TRABD2A: variants seen among roughly 807,000 people sequenced by gnomAD.
TRABD2A encodes metalloprotease TIKI1.
Under a neutral mutation model 45.6 loss-of-function variants are expected in TRABD2A, and 43 were observed. The observed-to-expected ratio is 0.94, with a 90% CI of 0.74 to 1.22. The LOEUF is 1.22. Ranked by LOEUF, TRABD2A falls within the 50% of genes most tolerant of loss-of-function variation. The probability of loss-of-function intolerance (pLI) is 0.00; values close to 1 mark genes in which losing one functional copy is unlikely to be tolerated. For synonymous variants in TRABD2A, 269 were observed against 265.0 expected (o/e 1.02, Z -0.15); for missense variants, 642 against 652.4 (o/e 0.98, Z 0.17).
At chr2:84,855,302 A>T (rs2105394390) in intron 2 of TRABD2A, among the ~76,000 whole-genome samples, 1 of 152,320 alleles carries the variant, frequency 6.6e-6, no homozygotes, top group Middle Eastern at 3.4e-3. Context: ...TACAACTAAG[A>T]TAAAACACCC....
At chr2:84,880,861 G>C (rs992146714) in intron 1 of TRABD2A, 71 bp downstream of exon 1, 138 of 1,540,648 alleles carry the variant, frequency 9.0e-5, no homozygotes, top group Non-Finnish European at 1.1e-4. Flanking sequence ...GCTGCTTCGC[G>C]GGGTTCGGAG....
chr2:84,880,818 C>A, intron 1 of TRABD2A, 114 bp downstream of exon 1: 1 of 1,480,916 alleles, frequency 6.8e-7, no homozygotes, highest in East Asian at 2.5e-5. Flanking sequence ...AGGTGAAAGC[C>A]CAGCCGCGGA....
chr2:84,870,881 A>G (rs1682854523), intron 1 of TRABD2A, 96 bp from the exon 2 acceptor site: 11 of 1,210,750 alleles, frequency 9.1e-6, no homozygotes, highest in Non-Finnish European at 1.2e-5. Context: ...TTCAAGAGAA[A>G]AGATATCAAA....
intron 4 of TRABD2A, chr2:84,836,935 G>T (rs1177378249): frequency 6.8e-6 from 1 of 148,086 alleles, no homozygotes; most frequent in African/African-American, 2.5e-5. Flanking sequence ...GTATTGGTGA[G>T]ATATTGTTCT....
At chr2:84,862,463 G>A (rs1399800980) in intron 2 of TRABD2A, among the ~76,000 whole-genome samples, 1 of 152,162 alleles carries the variant, frequency 6.6e-6, no homozygotes, top group African/African-American at 2.4e-5. Context: ...ATATGAGGCA[G>A]AAACTAGGCT....
chr2:84,870,483 C>T lies in TRABD2A; in HGVS notation c.411G>A (p.Trp137Ter), dbSNP rs1398787897. Residue 137 changes from tryptophan (W) to a stop codon, truncating the protein, a stop_gained, in exon 2 of 7, where the codon TGG becomes TGA. Coordinates refer to ENST00000409520, the MANE Select transcript of TRABD2A (RefSeq NM_001277053.2). LOFTEE classifies it high-confidence loss of function. ...LEYVKLMMPL[W>*]MTPDQRGKGL... Reference sequence around the variant, plus strand: ...CCTTGCCGCGCTGGTCTGGGGTCATCCACAAGGGCATCATGAGCTTGACAT... The same window carrying T: ...CCTTGCCGCGCTGGTCTGGGGTCATTCACAAGGGCATCATGAGCTTGACAT... 1 of 1,613,918 alleles carries T rather than the reference C, an allele frequency of 6.2e-7. No homozygotes were observed. The highest frequency in any genetic ancestry group is 8.5e-7 in the Non-Finnish European group (1 of 1,179,906).
At chr2:84,879,430 C>G (rs1683131772) in intron 1 of TRABD2A, among the ~76,000 whole-genome samples, 1 of 152,196 alleles carries the variant, frequency 6.6e-6, no homozygotes, top group East Asian at 1.9e-4. Context: ...GATCCACCGC[C>G]TTGGCCTCCC....
intron 1 of TRABD2A, among the ~76,000 whole-genome samples, chr2:84,872,012 G>A (rs561115850): frequency 3.3e-5 from 5 of 152,150 alleles, no homozygotes; most frequent in African/African-American, 9.7e-5. Flanking sequence ...GTGCATGTTC[G>A]TCTGAAGCCA....
chr2:84,864,607 C>G (rs1393397533), intron 2 of TRABD2A, among the ~76,000 whole-genome samples: 1 of 152,154 alleles, frequency 6.6e-6, no homozygotes. Context: ...CCTCTGCTTC[C>G]AGATGGGCCT....
At position 84,870,522 on chromosome 2, in the gene TRABD2A, C is replaced by T. The variant is rs764454160; in HGVS notation, c.372G>A (p.Lys124=). The change falls in exon 2 of 7, where the codon AAG becomes AAA. Residue 124 remains lysine (K), a synonymous_variant. Transcript: ENST00000409520. ...TGAGCTTGACATACTCCAGGTGGCG[C>T]TTGAGGCGGCAGTAGATGTCCCTGG... ...VLPRDIYCRL[K]RHLEYVKLMM... 3 of 1,614,000 alleles carry T rather than the reference C, an allele frequency of 1.9e-6. No individual in the cohort carries two copies. Among genetic ancestry groups the T allele is most frequent in the Admixed American group, 1.7e-5 (1 of 60,004 alleles).
At chr2:84,846,104 G>T (rs1464338905) in intron 2 of TRABD2A, among the ~76,000 whole-genome samples, 1 of 152,164 alleles carries the variant, frequency 6.6e-6, no homozygotes, top group Non-Finnish European at 1.5e-5. Context: ...CTGGAGGGGA[G>T]GGAGGTCACC....
At chr2:84,844,827 C>G (rs925988384) in intron 2 of TRABD2A, among the ~76,000 whole-genome samples, 3 of 152,278 alleles carry the variant, frequency 2.0e-5, no homozygotes, top group African/African-American at 7.2e-5. Flanking sequence ...CTCAGTCTGA[C>G]TGGCTCACAA....
intron 2 of TRABD2A, among the ~76,000 whole-genome samples, chr2:84,865,889 G>C (rs1439657640): frequency 1.3e-5 from 2 of 152,218 alleles, no homozygotes; most frequent in Non-Finnish European, 2.9e-5. Context: ...TGAGCCTCCA[G>C]GTCCAAGCTA....
At chr2:84,863,080 C>T (rs1484468288) in intron 2 of TRABD2A, among the ~76,000 whole-genome samples, 1 of 152,078 alleles carries the variant, frequency 6.6e-6, no homozygotes, top group African/African-American at 2.4e-5. Context: ...AAGGAATAGA[C>T]GTGTCAGACT....
At chr2:84,872,243 C>T (rs1018780832) in intron 1 of TRABD2A, among the ~76,000 whole-genome samples, 12 of 152,188 alleles carry the variant, frequency 7.9e-5, no homozygotes, top group Non-Finnish European at 4.4e-5. Flanking sequence ...GGCATGGTGA[C>T]TCACACCTGT....
At chr2:84,824,443 G>A (rs185243183) in intron 5 of TRABD2A, among the ~76,000 whole-genome samples, 3 of 152,022 alleles carry the variant, frequency 2.0e-5, no homozygotes, top group East Asian at 1.9e-4. Context: ...TAGTCCTGGG[G>A]AGAAAGATCC....
At chr2:84,865,460 C>A (rs551031402) in intron 2 of TRABD2A, among the ~76,000 whole-genome samples, 1 of 152,240 alleles carries the variant, frequency 6.6e-6, no homozygotes, top group Admixed American at 6.5e-5. Context: ...TTACATCCAA[C>A]TAACTGCCTC....
intron 2 of TRABD2A, among the ~76,000 whole-genome samples, chr2:84,855,969 C>T (rs758096994): frequency 2.6e-5 from 4 of 152,178 alleles, no homozygotes; most frequent in Non-Finnish European, 4.4e-5. Context: ...TGAAAGGCAC[C>T]GCCCATTACG....
chr2:84,828,971 G>A (rs1389612283), intron 5 of TRABD2A, among the ~76,000 whole-genome samples: 1 of 152,054 alleles, frequency 6.6e-6, no homozygotes. Flanking sequence ...AGAGGAAACT[G>A]CACGAACAAA....
Sources: allele counts gnomAD v4.1 joint callset (sites outside exome capture counted in the v4.1 genomes callset), GRCh38; gene constraint gnomAD v4.1.1; transcripts MANE v1.5; gene names NCBI Gene and HGNC (gene_info 2026-07-23, HGNC 2026-07-21).